Variants in RNF150 observed in about 807,000 individuals in gnomAD.
The protein encoded by RNF150 is ring finger protein 150.
In RNF150, 24 loss-of-function variants were observed where a neutral mutation model predicts 39.3. That is an observed-to-expected ratio of 0.61 (90% confidence interval 0.44 to 0.86). RNF150 has a LOEUF of 0.86. Ranked by LOEUF, RNF150 falls within the 40% of genes least tolerant of loss-of-function variation. The pLI is 0.00. For synonymous variants in RNF150, 255 were observed against 227.3 expected (o/e 1.12, Z -1.10); for missense variants, 502 against 587.8 (o/e 0.85, Z 1.51).
chr4:140,998,660 A>G (rs1340698317), intron 1 of RNF150, among the ~76,000 whole-genome samples: 1 of 152,220 alleles, frequency 6.6e-6, no homozygotes, highest in Non-Finnish European at 1.5e-5. Flanking sequence ...GCAGAGGAGC[A>G]CCACTGTAAC....
intron 1 of RNF150, among the ~76,000 whole-genome samples, chr4:141,147,062 C>T (rs2111134319): frequency 6.6e-6 from 1 of 152,274 alleles, no homozygotes; most frequent in East Asian, 1.9e-4. Context: ...TCAATCGCTC[C>T]TCCCACCTCA....
At chr4:140,917,254 G>A (rs1209856281) in intron 5 of RNF150, among the ~76,000 whole-genome samples, 2 of 151,836 alleles carry the variant, frequency 1.3e-5, no homozygotes, top group African/African-American at 4.8e-5. Flanking sequence ...TGGCAAATTG[G>A]ATGAGTCAAG....
At chr4:141,071,972 T>C (rs146269463) in intron 1 of RNF150, among the ~76,000 whole-genome samples, 2 of 152,320 alleles carry the variant, frequency 1.3e-5, no homozygotes, top group East Asian at 3.9e-4. Flanking sequence ...TCTAGGGCAG[T>C]ACTATTTAAA....
chr4:141,073,750 C>T (rs1042005963), intron 1 of RNF150, among the ~76,000 whole-genome samples: 6 of 152,008 alleles, frequency 3.9e-5, no homozygotes, highest in Admixed American at 2.6e-4. Flanking sequence ...GTCTGACCAG[C>T]TGGGCTTGGT....
intron 1 of RNF150, among the ~76,000 whole-genome samples, chr4:141,041,779 A>G (rs1736384992): frequency 2.0e-5 from 3 of 152,156 alleles, no homozygotes; most frequent in Admixed American, 2.0e-4. Context: ...TGAGCATATC[A>G]TTATATTATG....
chr4:141,206,217 T>C (rs1020880339), intron 1 of RNF150, among the ~76,000 whole-genome samples: 1 of 151,912 alleles, frequency 6.6e-6, no homozygotes. Flanking sequence ...GTCAGGAGTT[T>C]GGACCAGTCT....
At chr4:140,961,222 A>G (rs533700366) in intron 2 of RNF150, among the ~76,000 whole-genome samples, 1 of 152,296 alleles carries the variant, frequency 6.6e-6, no homozygotes, top group African/African-American at 2.4e-5. Context: ...TATAATGTGA[A>G]GAACATTTAG....
At chr4:141,000,146 T>C (rs1159624989) in intron 1 of RNF150, among the ~76,000 whole-genome samples, 2 of 149,600 alleles carry the variant, frequency 1.3e-5, no homozygotes, top group African/African-American at 4.9e-5. Flanking sequence ...TTCCATCATA[T>C]TGGTTCCTAG....
intron 6 of RNF150, among the ~76,000 whole-genome samples, chr4:140,885,080 A>G (rs4481296): frequency 0.14 from 20,558 of 151,790 alleles, 1,694 homozygotes; most frequent in East Asian, 0.38. Flanking sequence ...GGGGCTTTCT[A>G]TTATGCCATC....
At chr4:141,171,749 C>A (rs1400611950) in intron 1 of RNF150, among the ~76,000 whole-genome samples, 1 of 152,120 alleles carries the variant, frequency 6.6e-6, no homozygotes, top group African/African-American at 2.4e-5. Context: ...TTGAGCTTGA[C>A]TAGTTGACAT....
intron 1 of RNF150, among the ~76,000 whole-genome samples, chr4:141,201,546 AG>A (rs35770026): frequency 0.24 from 36,050 of 151,876 alleles, 4,369 homozygotes; most frequent in South Asian, 0.32. Context: ...AAATTTTTCC[AG>A]GTCACCTTTC....
chr4:140,920,084 C>T (rs1162010097), intron 5 of RNF150, among the ~76,000 whole-genome samples: 2 of 150,974 alleles, frequency 1.3e-5, no homozygotes, highest in South Asian at 2.1e-4. Context: ...CATAAAAACC[C>T]TAGAAGAAAA....
chr4:141,063,289 A>T (rs755270031), intron 1 of RNF150, among the ~76,000 whole-genome samples: 1 of 152,232 alleles, frequency 6.6e-6, no homozygotes, highest in Non-Finnish European at 1.5e-5. Flanking sequence ...TCAATGATAT[A>T]AATAAACAAA....
intron 4 of RNF150, among the ~76,000 whole-genome samples, chr4:140,937,141 C>T (rs1276798938): frequency 6.6e-6 from 1 of 152,056 alleles, no homozygotes; most frequent in Non-Finnish European, 1.5e-5. Context: ...AACAACTAAC[C>T]TCATGATTTT....
intron 5 of RNF150, among the ~76,000 whole-genome samples, chr4:140,920,630 G>A (rs192476892): frequency 2.3e-4 from 35 of 149,026 alleles, no homozygotes; most frequent in African/African-American, 7.2e-4. Flanking sequence ...TCGGTGTGGC[G>A]ATTCCTCAGG....
chr4:141,129,483 G>T (rs1374530139), intron 1 of RNF150, among the ~76,000 whole-genome samples: 1 of 152,196 alleles, frequency 6.6e-6, no homozygotes, highest in African/African-American at 2.4e-5. Flanking sequence ...GAGTGACTAG[G>T]AGTTGGGGAA....
chr4:141,112,820 T>C (rs1391610241), intron 1 of RNF150, among the ~76,000 whole-genome samples: 1 of 152,146 alleles, frequency 6.6e-6, no homozygotes, highest in African/African-American at 2.4e-5. Flanking sequence ...GAAGTGTATT[T>C]TCCAACTTGG....
At chr4:141,052,465 T>C (rs536811020) in intron 1 of RNF150, among the ~76,000 whole-genome samples, 28 of 152,314 alleles carry the variant, frequency 1.8e-4, no homozygotes, top group South Asian at 1.5e-3. Flanking sequence ...AACCTCCACC[T>C]CCTGGGTTCA....
chr4:141,130,258 ACT>A (rs1172410893), intron 1 of RNF150, among the ~76,000 whole-genome samples: 1 of 152,222 alleles, frequency 6.6e-6, no homozygotes, highest in African/African-American at 2.4e-5. Context: ...TCATAATGAC[ACT>A]CTAGCAGAAA....
Sources: allele counts gnomAD v4.1 joint callset (sites outside exome capture counted in the v4.1 genomes callset), GRCh38; gene constraint gnomAD v4.1.1; transcripts MANE v1.5; gene names NCBI Gene and HGNC (gene_info 2026-07-23, HGNC 2026-07-21).